DPP6: variants seen among roughly 807,000 people sequenced by gnomAD.
The protein encoded by DPP6 is dipeptidyl peptidase like 6, also known as A-type potassium channel modulatory protein DPP6.
Under a neutral mutation model 122.6 loss-of-function variants are expected in DPP6, and 69 were observed. That is an observed-to-expected ratio of 0.56 (90% CI 0.46 to 0.69). The LOEUF is 0.69. Ranked by LOEUF, DPP6 falls within the 30% of genes least tolerant of loss-of-function variation. DPP6 has a pLI of 0.00. For missense variants in DPP6, 928 were observed against 1,116.9 expected, an observed-to-expected ratio of 0.83 and a Z score of 2.41; for synonymous variants, 418 against 433.1, an observed-to-expected ratio of 0.97 and a Z score of 0.43.
rs190465903 is a variant in DPP6, at chr7:154,282,962, G to C, written c.244-163252G>C. ...CCTAGCTCTGGACTCAAGGGCATCA[G>C]ACATCAGAACACGTCTCTCTCTGGA... is the stretch of plus-strand genomic sequence containing the variant. On this transcript the variant is annotated intron_variant, in intron 1 of 25. Coordinates refer to ENST00000377770, the MANE Select transcript of DPP6 (RefSeq NM_130797.4). This position sits in a 1 kb window ranked among gnomAD's most constrained non-coding sequence, Gnocchi z 4.8. Among the ~76,000 whole-genome samples the C allele has an allele frequency of 8.8e-4, 134 of 152,248 alleles. No homozygotes were observed. Among genetic ancestry groups the C allele is most frequent in the Admixed American group, 7.1e-3 (109 of 15,292 alleles).
At chr7:154,098,500 G>C (rs1161489636) in intron 1 of DPP6, among the ~76,000 whole-genome samples, 1 of 152,134 alleles carries the variant, frequency 6.6e-6, no homozygotes, top group African/African-American at 2.4e-5. Context: ...CTCAGGTCTA[G>C]GCAGGTAATT....
At chr7:154,867,949 T>A (rs1241831190) in intron 17 of DPP6, 46 bp from the exon 18 acceptor site, 1 of 1,548,910 alleles carries the variant, frequency 6.5e-7, no homozygotes, top group Admixed American at 2.0e-5. Context: ...AGGTCCTCCA[T>A]GAGTGACCAC....
chr7:153,797,855 CT>C, the DPP6 span, among the ~76,000 whole-genome samples: 1 of 151,686 alleles, frequency 6.6e-6, no homozygotes, highest in African/African-American at 2.4e-5. Flanking sequence ...TTTTTTCTTC[CT>C]TTTGAAATGG....
At chr7:153,933,133 C>G (rs1454701297) in intron 1 of DPP6, among the ~76,000 whole-genome samples, 2 of 152,188 alleles carry the variant, frequency 1.3e-5, no homozygotes, top group Non-Finnish European at 2.9e-5. Context: ...TTATAAATTA[C>G]CCAGTCTCAA....
chr7:154,431,530 CTTTCTTTTT>C (rs1563660096), intron 1 of DPP6, among the ~76,000 whole-genome samples: 2 of 89,770 alleles, frequency 2.2e-5, no homozygotes, highest in African/African-American at 1.2e-4. Context: ...TTCTTTCTTT[CTTTCTTTTT>C]TTTTTTTTTT....
At position 154,483,331 on chromosome 7, in the gene DPP6, G is replaced by T. The variant is rs1017361836; in HGVS notation, c.457+8294G>T. Among the ~76,000 whole-genome samples, 1 of 152,104 alleles carries T rather than the reference G, an allele frequency of 6.6e-6. No homozygotes were observed. Among genetic ancestry groups the T allele is most frequent in the African/African-American group, 2.4e-5 (1 of 41,402 alleles). On this transcript the variant is annotated intron_variant, in intron 3 of 25. Transcript: ENST00000377770. The surrounding 1 kb of genome is among the most constrained non-coding windows in gnomAD (Gnocchi z 8.1). ...GTGTAGACAATAGTGGTGATCATTT[G>T]AGTCATATTTAAATTGTTTATTTCT... is the stretch of plus-strand genomic sequence containing the variant.
At chr7:154,420,310 TG>T (rs1817363623) in intron 1 of DPP6, among the ~76,000 whole-genome samples, 1 of 152,194 alleles carries the variant, frequency 6.6e-6, no homozygotes, top group Non-Finnish European at 1.5e-5. Flanking sequence ...CACTCCAGCC[TG>T]GGCAACAACA....
intron 3 of DPP6, among the ~76,000 whole-genome samples, chr7:154,477,601 G>A (rs977103518): frequency 2.6e-5 from 4 of 152,120 alleles, no homozygotes; most frequent in Non-Finnish European, 4.4e-5. Flanking sequence ...ACGTGTGCCA[G>A]TTCATGGTAT....
intron 1 of DPP6, among the ~76,000 whole-genome samples, chr7:154,246,483 A>T (rs80070609): frequency 0.039 from 5,957 of 152,308 alleles, 193 homozygotes; most frequent in East Asian, 0.13. Context: ...GATTTATGGG[A>T]TTAATACAAG....
intron 1 of DPP6, among the ~76,000 whole-genome samples, chr7:154,060,647 ACC>A (rs1322012841): frequency 7.4e-6 from 1 of 135,526 alleles, no homozygotes; most frequent in African/African-American, 2.8e-5. Context: ...AGGGGGAGGC[ACC>A]CCCCACGAGA....
chr7:154,474,905 C>T, intron 2 of DPP6, 34 bp from the exon 3 acceptor site: 1 of 1,522,760 alleles, frequency 6.6e-7, no homozygotes, highest in African/African-American at 1.4e-5. Context: ...AATTATGAAA[C>T]AAGCTTAACT....
intron 1 of DPP6, among the ~76,000 whole-genome samples, chr7:154,179,926 C>A (rs143074888): frequency 6.6e-6 from 1 of 152,026 alleles, no homozygotes; most frequent in Non-Finnish European, 1.5e-5. Flanking sequence ...TAAAAATGAC[C>A]GACAATTCTT....
intron 3 of DPP6, among the ~76,000 whole-genome samples, chr7:154,522,876 C>G (rs1189297994): frequency 6.6e-6 from 1 of 152,212 alleles, no homozygotes; most frequent in Admixed American, 6.5e-5. Context: ...GTATCTCCCA[C>G]TTCCTGTACT....
At chr7:154,507,692 C>T (rs897231421) in intron 3 of DPP6, among the ~76,000 whole-genome samples, 1 of 152,134 alleles carries the variant, frequency 6.6e-6, no homozygotes, top group African/African-American at 2.4e-5. Context: ...CACCAATCAT[C>T]CACCCAATAA....
chr7:153,962,846 G>A (rs1235578738), intron 1 of DPP6, among the ~76,000 whole-genome samples: 3 of 152,144 alleles, frequency 2.0e-5, no homozygotes, highest in African/African-American at 7.2e-5. Context: ...TTTCTTGAAT[G>A]TAACATGACA....
chr7:154,689,403 G>A (rs544482660), intron 7 of DPP6, among the ~76,000 whole-genome samples: 1 of 152,222 alleles, frequency 6.6e-6, no homozygotes, highest in Admixed American at 6.5e-5. Context: ...ATTCTATGAA[G>A]TATGTTTTCT....
At chr7:154,796,924 C>G (rs989870547) in intron 12 of DPP6, among the ~76,000 whole-genome samples, 6 of 152,148 alleles carry the variant, frequency 3.9e-5, no homozygotes, top group South Asian at 4.1e-4. Context: ...TTCCACATGG[C>G]CACTTTCATT....
chr7:154,288,986 G>A (rs1461893826), intron 1 of DPP6, among the ~76,000 whole-genome samples: 1 of 152,150 alleles, frequency 6.6e-6, no homozygotes, highest in Non-Finnish European at 1.5e-5. Flanking sequence ...TCTTTGTCCT[G>A]GTTAAGTTCA....
At chr7:154,765,274 C>G (rs900666694) in intron 8 of DPP6, among the ~76,000 whole-genome samples, 1 of 152,198 alleles carries the variant, frequency 6.6e-6, no homozygotes, top group African/African-American at 2.4e-5. Flanking sequence ...CCTGTATCCT[C>G]CTCACTGCCC....
Sources: allele counts gnomAD v4.1 joint callset (sites outside exome capture counted in the v4.1 genomes callset), GRCh38; gene constraint gnomAD v4.1.1; non-coding constraint Gnocchi (gnomAD v3.1); transcripts MANE v1.5; gene names NCBI Gene and HGNC (gene_info 2026-07-23, HGNC 2026-07-21).